Variants in SH3GL1 observed in about 807,000 individuals in gnomAD.
SH3GL1 encodes the protein endophilin-A2.
A neutral mutation model predicts 48.8 loss-of-function variants in SH3GL1; 21 were observed. That is an observed-to-expected ratio of 0.43 (90% CI 0.30 to 0.62). The LOEUF is 0.62. SH3GL1 is among the 20% of genes least tolerant of loss of function. The pLI is 0.11. For missense variants in SH3GL1, 454 were observed against 503.0 expected (o/e 0.90, Z 0.93); for synonymous variants, 282 against 217.5 (o/e 1.30, Z -2.61).
chr19:4,397,893 C>T (rs181663092), intron 1 of SH3GL1, among the ~76,000 whole-genome samples: 2 of 152,300 alleles, frequency 1.3e-5, no homozygotes, highest in East Asian at 3.9e-4. Flanking sequence ...GCTGCCCAGG[C>T]TGAAGTGCAG....
rs755948226 is a variant in SH3GL1, at chr19:4,367,018, G to A, written c.46-24C>T. On this transcript the variant is annotated intron_variant, in intron 1 of 9. Coordinates refer to ENST00000269886, the MANE Select transcript of SH3GL1 (RefSeq NM_003025.4). This position sits in a 1 kb window ranked among gnomAD's most constrained non-coding sequence, Gnocchi z 4.2. ...AGCTAGAGGACAGAAGAGGGGAAAC[G>A]CTGTGAGCCCAGGGGTAGGAGGAAG... The A allele has an allele frequency of 1.7e-5, 27 of 1,610,306 alleles. No homozygotes were observed. Among genetic ancestry groups the A allele is most frequent in the East Asian group, 2.2e-5 (1 of 44,864 alleles).
intron 2 of SH3GL1, 94 bp from the exon 3 acceptor site, chr19:4,366,667 C>T (rs1451520595): frequency 8.2e-7 from 1 of 1,224,570 alleles, no homozygotes; most frequent in Non-Finnish European, 1.2e-6. Context: ...CCCTAAGAGC[C>T]CATACCAGGA....
intron 1 of SH3GL1, among the ~76,000 whole-genome samples, chr19:4,373,826 T>C (rs758083781): frequency 6.6e-5 from 10 of 152,200 alleles, no homozygotes; most frequent in Non-Finnish European, 1.2e-4. Flanking sequence ...ACAGACTTCC[T>C]GGCCAGAGGT....
chr19:4,375,455 T>C (rs1435678559), intron 1 of SH3GL1, among the ~76,000 whole-genome samples: 2 of 152,248 alleles, frequency 1.3e-5, no homozygotes, highest in African/African-American at 4.8e-5. Flanking sequence ...GCGAGGAATC[T>C]GGGAGCAGGT....
At chr19:4,372,619 C>A (rs1241849684) in intron 1 of SH3GL1, among the ~76,000 whole-genome samples, 1 of 152,176 alleles carries the variant, frequency 6.6e-6, no homozygotes, top group Non-Finnish European at 1.5e-5. Flanking sequence ...TGTCTCTGAA[C>A]CCCTTTCCAT....
At position 4,361,458 on chromosome 19, in the gene SH3GL1, G is replaced by C; in HGVS notation, c.*142C>G. ...CACCCAAGTGTGGGGTCCTGCTCAG[G>C]GAGTACCTCAAGGGCCGGGGCCCAG... is the stretch of plus-strand genomic sequence containing the variant. On this transcript the variant is annotated 3_prime_UTR_variant, in exon 10 of 10. Transcript: ENST00000269886. 3 of 645,228 alleles carry C rather than the reference G, an allele frequency of 4.6e-6. No individual in the cohort carries two copies. Among genetic ancestry groups the C allele is most frequent in the Non-Finnish European group, 8.1e-6 (3 of 371,328 alleles). The allele number at this position is 645,228 out of a possible 1,614,324, so 40.0% of individuals were successfully genotyped here.
intron 6 of SH3GL1, 25 bp downstream of exon 6, chr19:4,363,695 G>C (rs1972690468): frequency 6.2e-7 from 1 of 1,612,160 alleles, no homozygotes; most frequent in Non-Finnish European, 8.5e-7. Flanking sequence ...GGTCTTCTCA[G>C]GATGTGACAC....
At chr19:4,373,607 G>T (rs1406293172) in intron 1 of SH3GL1, among the ~76,000 whole-genome samples, 1 of 152,190 alleles carries the variant, frequency 6.6e-6, no homozygotes. Context: ...CGCTCCTCTG[G>T]GAACCAAGCT....
In SH3GL1 at chr19:4,376,296, AG is replaced by A. The variant is rs1436808042; in HGVS notation, c.46-9303del. On this transcript the variant is annotated intron_variant, in intron 1 of 9. Transcript: ENST00000269886. This position sits in a 1 kb window ranked among gnomAD's most constrained non-coding sequence, Gnocchi z 4.3. ...TCACCAGAGCCTGGTGTCCCTGTGC[AG>A]CTGTGCCAGGTGGGCAGAGGAGACA... is the stretch of plus-strand genomic sequence containing the variant. Among the ~76,000 whole-genome samples, 3 of 152,190 alleles carry A rather than the reference AG, an allele frequency of 2.0e-5. No individual in the cohort carries two copies. The highest frequency in any genetic ancestry group is 4.4e-5 in the Non-Finnish European group (3 of 68,026).
intron 1 of SH3GL1, among the ~76,000 whole-genome samples, chr19:4,394,825 G>A (rs1337674762): frequency 1.3e-5 from 2 of 152,190 alleles, no homozygotes; most frequent in African/African-American, 4.8e-5. Context: ...ACTGACGTAG[G>A]GCTGGAGAAT....
Position 4,367,555 on chromosome 19 carries a change from A to G in SH3GL1, c.46-561T>C, listed in dbSNP as rs536562124. Among the ~76,000 whole-genome samples the G allele has an allele frequency of 6.6e-6, 1 of 152,136 alleles. No homozygotes were observed. The highest frequency in any genetic ancestry group is 6.5e-5 in the Admixed American group (1 of 15,276). The stretch of plus-strand genomic sequence containing the variant: ...GGTGCCCGTGTCTGCAGGATGGGAC[A>G]GCCCAGCCCTTGCCCCATGTGGACA... On this transcript the variant is annotated intron_variant, in intron 1 of 9. Transcript: ENST00000269886. The surrounding 1 kb of genome is among the most constrained non-coding windows in gnomAD (Gnocchi z 4.2).
intron 3 of SH3GL1, 30 bp downstream of exon 3, chr19:4,366,471 G>A (rs1480058817): frequency 1.4e-5 from 21 of 1,552,244 alleles, no homozygotes; most frequent in Non-Finnish European, 1.9e-5. Context: ...AGGGCCTGGG[G>A]CAGGCCCTGG....
At chr19:4,378,982 C>T (rs1973066993) in intron 1 of SH3GL1, among the ~76,000 whole-genome samples, 1 of 152,220 alleles carries the variant, frequency 6.6e-6, no homozygotes, top group South Asian at 2.1e-4. Context: ...CCACGCACAC[C>T]AGGAAAAACT....
At chr19:4,365,722 C>T in intron 3 of SH3GL1, 97 bp from the exon 4 acceptor site, 1 of 1,546,850 alleles carries the variant, frequency 6.5e-7, no homozygotes. Context: ...CCCTTGCTTC[C>T]TGTGCCTGTG....
chr19:4,384,758 G>T (rs569023062), intron 1 of SH3GL1, among the ~76,000 whole-genome samples: 2 of 152,344 alleles, frequency 1.3e-5, no homozygotes, highest in Non-Finnish European at 2.9e-5. Flanking sequence ...CTGCGGATGC[G>T]AGTGGAGCCT....
At chr19:4,399,623 G>C (rs1439554329) in intron 1 of SH3GL1, among the ~76,000 whole-genome samples, 1 of 149,370 alleles carries the variant, frequency 6.7e-6, no homozygotes, top group Non-Finnish European at 1.5e-5. Flanking sequence ...GCCCAGGACG[G>C]CCCCACCACG....
At chr19:4,365,330 T>C (rs2144864666) in intron 4 of SH3GL1, 152 bp downstream of exon 4, 7 of 1,019,980 alleles carry the variant, frequency 6.9e-6, no homozygotes, top group East Asian at 2.5e-5. Context: ...TGGGTTGGTC[T>C]GTGCAGTCTC....
rs544526955 is a variant in SH3GL1, at chr19:4,360,799, G to T, written c.*801C>A. ...GCTGTGGTCCCGTGTGAGGTGTGCT[G>T]GGGTGGGTGTGGGTGGCTGGTGGTG... On this transcript the variant is annotated 3_prime_UTR_variant, in exon 10 of 10. Coordinates refer to ENST00000269886, the MANE Select transcript of SH3GL1 (RefSeq NM_003025.4). The T allele has an allele frequency of 9.0e-4, 210 of 234,264 alleles. 1 individual carries two copies. Among genetic ancestry groups the T allele is most frequent in the African/African-American group, 3.8e-3 (174 of 45,472 alleles). The allele number at this position is 234,264 out of a possible 1,614,324, so 14.5% of individuals were successfully genotyped here.
chr19:4,364,094 C>T lies in SH3GL1; in HGVS notation c.459G>A (p.Glu153=), dbSNP rs768945928. The change falls in exon 5 of 10, where the codon GAG becomes GAA. Residue 153 remains glutamate (E), a synonymous_variant. Coordinates refer to ENST00000269886, the MANE Select transcript of SH3GL1 (RefSeq NM_003025.4). ...GCTGGCGCAGGAGCAGCACCTGGATCTCCTTCAGGTCTTTCTCGCACAGGT... is the reference window on the plus strand; with the variant it reads ...GCTGGCGCAGGAGCAGCACCTGGATTTCCTTCAGGTCTTTCTCGCACAGGT... ...LQNLCEKDLK[E]IQHHLKKLEG... The T allele has an allele frequency of 1.4e-5, 22 of 1,612,494 alleles. No individual in the cohort carries two copies. In the East Asian group the frequency reaches 1.6e-4, roughly 11 times the overall value.
Sources: gnomAD v4.1 joint callset for allele counts (sites outside exome capture counted in the v4.1 genomes callset) on GRCh38, gnomAD v4.1.1 for gene constraint, Gnocchi (gnomAD v3.1) non-coding constraint, MANE v1.5 for transcripts, NCBI Gene and HGNC (gene_info 2026-07-23, HGNC 2026-07-21) for gene names.